PTPN20: variants seen among roughly 807,000 people sequenced by gnomAD.
PTPN20 encodes tyrosine-protein phosphatase non-receptor type 20.
In PTPN20, 9 loss-of-function variants were observed where a neutral mutation model predicts 35.0. That is an observed-to-expected ratio of 0.26 (90% CI 0.15 to 0.45). The LOEUF (loss-of-function observed/expected upper bound fraction) is 0.45, where lower values mean the gene tolerates loss of function less well. Among genes scored for constraint, PTPN20 ranks in the 20% least tolerant of loss-of-function variants. The probability of loss-of-function intolerance (pLI) is 1.00; values close to 1 mark genes in which losing one functional copy is unlikely to be tolerated. For missense variants in PTPN20, 111 were observed against 312.5 expected (o/e 0.36, Z 4.86); for synonymous variants, 32 against 100.2 (o/e 0.32, Z 4.06).
At chr10:46,975,950 C>T (rs1345136654) in intron 7 of PTPN20, among the ~76,000 whole-genome samples, 226 of 151,638 alleles carry the variant, frequency 1.5e-3, no homozygotes, top group Admixed American at 2.6e-3. Flanking sequence ...CATGAGCCAC[C>T]GCACAGAGCT....
intron 9 of PTPN20, among the ~76,000 whole-genome samples, chr10:46,995,825 A>G (rs2059006316): frequency 6.6e-6 from 1 of 152,154 alleles, no homozygotes; most frequent in African/African-American, 2.4e-5. Context: ...GTGCTGGGCA[A>G]ATTGGAGAAA....
At chr10:46,981,253 G>C (rs1206270631) in intron 7 of PTPN20, 2 of 142,040 alleles carry the variant, frequency 1.4e-5, no homozygotes, top group Non-Finnish European at 3.0e-5. Flanking sequence ...AGAGTGACAT[G>C]CTCTATGAAT....
At chr10:46,927,434 G>A (rs2037850173) in intron 1 of PTPN20, among the ~76,000 whole-genome samples, 1 of 152,052 alleles carries the variant, frequency 6.6e-6, no homozygotes, top group Admixed American at 6.6e-5. Context: ...TACACAGAAT[G>A]AGCTTGCTGA....
At chr10:46,948,884 T>C (rs2045814261) in intron 5 of PTPN20, among the ~76,000 whole-genome samples, 3 of 147,304 alleles carry the variant, frequency 2.0e-5, no homozygotes, top group Non-Finnish European at 1.5e-5. Flanking sequence ...ATCCAGACTC[T>C]GCCTGACACC....
At chr10:46,957,383 ATAAC>A (rs1342244688) in intron 5 of PTPN20, among the ~76,000 whole-genome samples, 12 of 147,896 alleles carry the variant, frequency 8.1e-5, no homozygotes, top group Non-Finnish European at 1.3e-4. Context: ...TTTTCCATAC[ATAAC>A]TTTTATTATG....
At chr10:46,950,925 A>G (rs1454870521) in intron 5 of PTPN20, among the ~76,000 whole-genome samples, 5 of 151,240 alleles carry the variant, frequency 3.3e-5, no homozygotes, top group Non-Finnish European at 5.9e-5. Context: ...ATATTCTGAC[A>G]TAGGATTAAT....
At chr10:47,002,542 C>G (rs1354275320), downstream of PTPN20, 1 of 151,872 alleles carries the variant, frequency 6.6e-6, no homozygotes, top group Non-Finnish European at 1.5e-5. Flanking sequence ...AAAGTGAAAA[C>G]TTTTGACTGA....
intron 5 of PTPN20, among the ~76,000 whole-genome samples, chr10:46,947,482 T>C (rs1171372371): frequency 6.7e-6 from 1 of 150,086 alleles, no homozygotes; most frequent in African/African-American, 2.4e-5. Context: ...AGACATAATT[T>C]TTAATTAATT....
chr10:46,928,137 T>A (rs1489621891), intron 1 of PTPN20, among the ~76,000 whole-genome samples: 1 of 151,212 alleles, frequency 6.6e-6, no homozygotes, highest in Non-Finnish European at 1.5e-5. Context: ...AACTGTATCA[T>A]CATCAGTCCC....
chr10:46,945,179 G>T (rs1162524671), intron 4 of PTPN20, among the ~76,000 whole-genome samples: 3 of 149,440 alleles, frequency 2.0e-5, no homozygotes, highest in African/African-American at 7.7e-5. Flanking sequence ...TACAGTGTGG[G>T]CTGGAGAGGG....
chr10:46,996,971 C>G (rs1209845951), intron 9 of PTPN20, among the ~76,000 whole-genome samples: 1 of 152,126 alleles, frequency 6.6e-6, no homozygotes, highest in Non-Finnish European at 1.5e-5. Context: ...TCTGTGCTTT[C>G]TCTAATAAAT....
chr10:46,953,392 T>TTTCTTTC (rs1317602545), intron 5 of PTPN20, among the ~76,000 whole-genome samples: 2 of 141,956 alleles, frequency 1.4e-5, no homozygotes. Context: ...TCTTTCTTTC[T>TTTCTTTC]TTCTTTTTTT....
At chr10:46,953,080 TA>T (rs1484412022) in intron 5 of PTPN20, among the ~76,000 whole-genome samples, 6 of 144,610 alleles carry the variant, frequency 4.1e-5, no homozygotes, top group Non-Finnish European at 7.4e-5. Context: ...GATTTATATC[TA>T]ATATTTCACA....
Position 46,999,895 on chromosome 10 carries a change from C to T in PTPN20, c.1135-17C>T, listed in dbSNP as rs782576965. On this transcript the variant is annotated splice_polypyrimidine_tract_variant and intron_variant, in intron 9 of 10. Transcript: ENST00000374339. Reference sequence around the variant, plus strand: ...CCCCCATGTGGATCATACAAAATTACTGTCATCTTATTACAGTTCAACATC... The same window carrying T: ...CCCCCATGTGGATCATACAAAATTATTGTCATCTTATTACAGTTCAACATC... 8 of 1,613,540 alleles carry T rather than the reference C, an allele frequency of 5.0e-6. No individual in the cohort carries two copies. Among genetic ancestry groups the T allele is most frequent in the Middle Eastern group, 3.3e-4 (2 of 6,056 alleles).
At chr10:46,960,659 G>A (rs1424158154) in intron 5 of PTPN20, among the ~76,000 whole-genome samples, 48 of 152,016 alleles carry the variant, frequency 3.2e-4, no homozygotes, top group African/African-American at 1.1e-3. Flanking sequence ...TCTGTTGATT[G>A]CTTTGTCTCT....
intron 9 of PTPN20, among the ~76,000 whole-genome samples, chr10:46,992,029 T>C (rs1316410518): frequency 6.6e-6 from 1 of 152,170 alleles, no homozygotes; most frequent in Non-Finnish European, 1.5e-5. Flanking sequence ...TTCCAAGTTG[T>C]TTACTCTTCT....
chr10:47,003,589 G>A (rs532579113), downstream of PTPN20, among the ~76,000 whole-genome samples: 331 of 152,126 alleles, frequency 2.2e-3, 2 homozygotes, highest in South Asian at 0.012. Flanking sequence ...AGCAAACTAT[G>A]GCCCACAGGC....
chr10:46,991,558 G>C (rs2057969347), intron 9 of PTPN20, among the ~76,000 whole-genome samples: 1 of 108,838 alleles, frequency 9.2e-6, no homozygotes, highest in African/African-American at 3.5e-5. Context: ...TGTGGTGCCA[G>C]GTACTGTTCT....
intron 5 of PTPN20, chr10:46,946,978 C>A (rs1177685174): frequency 2.9e-6 from 1 of 345,618 alleles, no homozygotes; most frequent in African/African-American, 2.3e-5. Context: ...AACCTGCTTC[C>A]TTATTTCCTT....
Sources: allele counts gnomAD v4.1 joint callset (sites outside exome capture counted in the v4.1 genomes callset), GRCh38; gene constraint gnomAD v4.1.1; transcripts MANE v1.5; gene names NCBI Gene and HGNC (gene_info 2026-07-23, HGNC 2026-07-21).